EPHA3: variants seen among roughly 807,000 people sequenced by gnomAD.
The protein encoded by EPHA3 is ephrin type-A receptor 3.
In EPHA3, 42 loss-of-function variants were observed where a neutral mutation model predicts 107.1. The observed-to-expected ratio is 0.39, with a 90% confidence interval of 0.31 to 0.51. The LOEUF is 0.51. Among genes scored for constraint, EPHA3 ranks in the 20% least tolerant of loss-of-function variants. The probability of loss-of-function intolerance (pLI) is 0.78; values close to 1 mark genes in which losing one functional copy is unlikely to be tolerated. For synonymous variants in EPHA3, 461 were observed against 424.8 expected (o/e 1.09, Z -1.05); for missense variants, 1,183 against 1,211.2 (o/e 0.98, Z 0.35).
At chr3:89,345,409 C>G (rs1472940471) in intron 5 of EPHA3, among the ~76,000 whole-genome samples, 3 of 151,208 alleles carry the variant, frequency 2.0e-5, no homozygotes, top group African/African-American at 7.3e-5. Flanking sequence ...AAATTGGATT[C>G]ATTCACATGT....
At chr3:89,354,233 G>A (rs554630370) in intron 5 of EPHA3, among the ~76,000 whole-genome samples, 4 of 151,076 alleles carry the variant, frequency 2.6e-5, no homozygotes, top group Non-Finnish European at 5.9e-5. Flanking sequence ...ATAGTCCTTA[G>A]GATATAATAG....
Position 89,182,135 on chromosome 3 carries a change from G to GT in EPHA3, c.154-27719dup, listed in dbSNP as rs756480124. Among the ~76,000 whole-genome samples, 8 of 149,914 alleles carry GT rather than the reference G, an allele frequency of 5.3e-5. No individual in the cohort carries two copies. In the East Asian group the frequency reaches 9.8e-4, roughly 18 times the overall value. ...CTTCTCTTCTTTATGACTTTAATTG[G>GT]TTTTTTCTCCTTTCATTGAAAAATA... On this transcript the variant is annotated intron_variant, in intron 2 of 16. Coordinates refer to ENST00000336596, the MANE Select transcript of EPHA3 (RefSeq NM_005233.6).
intron 6 of EPHA3, among the ~76,000 whole-genome samples, chr3:89,397,907 T>C (rs1708882958): frequency 6.6e-6 from 1 of 152,170 alleles, no homozygotes; most frequent in Admixed American, 6.5e-5. Flanking sequence ...ATATTAGCTA[T>C]TGCAGGAAAA....
Position 89,481,598 on chromosome 3 carries a change from C to T in EPHA3, c.*2096C>T, listed in dbSNP as rs2107583546. The T allele has an allele frequency of 4.3e-6, 1 of 232,600 alleles. No homozygotes were observed. The highest frequency in any genetic ancestry group is 1.8e-4 in the South Asian group (1 of 5,508). The allele number at this position is 232,600 out of a possible 1,614,324, so 14.4% of individuals were successfully genotyped here. A position where few individuals can be genotyped will look rare whatever the true frequency, so the allele number is the denominator to read the frequency against. On this transcript the variant is annotated 3_prime_UTR_variant, in exon 17 of 17. Coordinates refer to ENST00000336596, the MANE Select transcript of EPHA3 (RefSeq NM_005233.6). ...TAATAGAAGTTGAGGATTGTTGAATCTATTTCACTTATTTTGGCTGTGGTT... is the reference window on the plus strand; with the variant it reads ...TAATAGAAGTTGAGGATTGTTGAATTTATTTCACTTATTTTGGCTGTGGTT...
intron 5 of EPHA3, among the ~76,000 whole-genome samples, chr3:89,352,223 C>T (rs1707842369): frequency 6.6e-6 from 1 of 151,312 alleles, no homozygotes; most frequent in South Asian, 2.1e-4. Context: ...TCAAAGACAA[C>T]CTCCTTCTTT....
intron 15 of EPHA3, among the ~76,000 whole-genome samples, chr3:89,459,491 C>CCT (rs771357565): frequency 1.2e-4 from 15 of 126,382 alleles, no homozygotes; most frequent in African/African-American, 4.1e-4. Flanking sequence ...CCTTCCTTCT[C>CCT]TCCTTCCTTC....
chr3:89,344,720 G>A (rs78587293), intron 5 of EPHA3, among the ~76,000 whole-genome samples: 109 of 152,274 alleles, frequency 7.2e-4, no homozygotes, highest in Non-Finnish European at 1.3e-3. Context: ...CTTTGACGTG[G>A]ATATAAAGGG....
intron 5 of EPHA3, among the ~76,000 whole-genome samples, chr3:89,366,056 G>A (rs1576338603): frequency 6.6e-6 from 1 of 150,808 alleles, no homozygotes; most frequent in Non-Finnish European, 1.5e-5. Flanking sequence ...TAGCCCAAAT[G>A]AGAGATTATA....
chr3:89,424,645 C>T (rs1303971832), intron 11 of EPHA3, among the ~76,000 whole-genome samples: 2 of 150,698 alleles, frequency 1.3e-5, no homozygotes, highest in Non-Finnish European at 3.0e-5. Context: ...TAAGCTTTTC[C>T]AATTAGGCAA....
At chr3:89,457,753 G>A (rs1576389128) in intron 15 of EPHA3, among the ~76,000 whole-genome samples, 1 of 152,174 alleles carries the variant, frequency 6.6e-6, no homozygotes, top group African/African-American at 2.4e-5. Context: ...ATAGTTCTTT[G>A]GCAGCTACTT....
At chr3:89,458,634 C>T (rs1710149994) in intron 15 of EPHA3, among the ~76,000 whole-genome samples, 1 of 152,168 alleles carries the variant, frequency 6.6e-6, no homozygotes, top group Non-Finnish European at 1.5e-5. Flanking sequence ...TACACGCCCA[C>T]CAACAGTGTA....
rs143609637 is a variant in EPHA3, at chr3:89,210,390, G to A, written c.684G>A (p.Gly228=). ...MDSQSLVEVR[G]SCVNNSKEED... is the part of the protein sequence containing the mutation. ...CCCAGTCCCTGGTGGAGGTTAGAGGGTCTTGTGTCAACAATTCTAAGGAGG... is the reference window on the plus strand; with the variant it reads ...CCCAGTCCCTGGTGGAGGTTAGAGGATCTTGTGTCAACAATTCTAAGGAGG... Residue 228 remains glycine (G), a synonymous_variant, in exon 3 of 17, where the codon GGG becomes GGA. Coordinates refer to ENST00000336596, the MANE Select transcript of EPHA3 (RefSeq NM_005233.6). 79 of 1,613,726 alleles carry A rather than the reference G, an allele frequency of 4.9e-5. No individual in the cohort carries two copies. The highest frequency in any genetic ancestry group is 6.5e-5 in the Non-Finnish European group (77 of 1,179,904).
intron 1 of EPHA3, among the ~76,000 whole-genome samples, chr3:89,118,767 G>GA (rs1353680090): frequency 2.6e-5 from 4 of 151,276 alleles, no homozygotes; most frequent in East Asian, 1.9e-4. Context: ...ACTAGATTTT[G>GA]AAAAAAAATA....
chr3:89,437,195 TC>T (rs567847635), intron 13 of EPHA3, among the ~76,000 whole-genome samples: 11 of 152,094 alleles, frequency 7.2e-5, no homozygotes, highest in Non-Finnish European at 1.0e-4. Flanking sequence ...AGGAAAAAAG[TC>T]CCTTAATAAC....
At chr3:89,447,941 C>T (rs772751457) in intron 13 of EPHA3, among the ~76,000 whole-genome samples, 24 of 152,236 alleles carry the variant, frequency 1.6e-4, no homozygotes, top group Non-Finnish European at 2.5e-4. Context: ...CGATAGAAAT[C>T]GGTCACATTT....
intron 2 of EPHA3, among the ~76,000 whole-genome samples, chr3:89,165,136 C>G (rs1229983116): frequency 6.6e-6 from 1 of 152,136 alleles, no homozygotes; most frequent in Non-Finnish European, 1.5e-5. Flanking sequence ...GATTCTAATG[C>G]AACAACATTC....
intron 2 of EPHA3, among the ~76,000 whole-genome samples, chr3:89,164,725 T>C (rs931962272): frequency 7.2e-5 from 11 of 152,318 alleles, no homozygotes; most frequent in African/African-American, 2.2e-4. Flanking sequence ...TATATGCTTT[T>C]CTGCCCATTT....
intron 1 of EPHA3, among the ~76,000 whole-genome samples, chr3:89,111,785 A>T (rs1054143782): frequency 2.0e-5 from 3 of 152,090 alleles, no homozygotes; most frequent in Non-Finnish European, 4.4e-5. Context: ...CTATAATAAT[A>T]ATTTGAGTGG....
chr3:89,214,251 C>A (rs1704173745), intron 3 of EPHA3, among the ~76,000 whole-genome samples: 1 of 151,936 alleles, frequency 6.6e-6, no homozygotes, highest in Admixed American at 6.6e-5. Flanking sequence ...ACATTTTGAG[C>A]CTTAGTTTCT....
Sources: gnomAD v4.1 joint callset for allele counts (sites outside exome capture counted in the v4.1 genomes callset) on GRCh38, gnomAD v4.1.1 for gene constraint, MANE v1.5 for transcripts, NCBI Gene and HGNC (gene_info 2026-07-23, HGNC 2026-07-21) for gene names.